Variants in ARHGAP6 observed in about 807,000 individuals in gnomAD.
ARHGAP6 encodes Rho GTPase activating protein 6.
ARHGAP6 carries 16 observed loss-of-function variants against 55.7 expected under a neutral mutation model. The ratio of observed to expected loss-of-function variants is 0.29; its 90% CI spans 0.19 to 0.44. ARHGAP6 has a LOEUF of 0.44. ARHGAP6 is among the 20% of genes least tolerant of loss of function. The pLI is 1.00. For synonymous variants in ARHGAP6, 382 were observed against 360.9 expected, an observed-to-expected ratio of 1.06 and a Z score of -0.66; for missense variants, 698 against 808.9, an observed-to-expected ratio of 0.86 and a Z score of 1.66.
intron 1 of ARHGAP6, among the ~76,000 whole-genome samples, chrX:11,572,308 A>G (rs951474298): frequency 1.8e-5 from 2 of 110,157 alleles, no homozygotes; most frequent in Non-Finnish European, 3.8e-5. Context: ...ATTTAGCATT[A>G]GGTATATCTC....
At chrX:11,601,676 A>AT (rs751445318) in intron 1 of ARHGAP6, among the ~76,000 whole-genome samples, 2 of 112,101 alleles carry the variant, frequency 1.8e-5, no homozygotes, top group Admixed American at 9.5e-5. Flanking sequence ...TTCAACAGAG[A>AT]TTTTTTTAAA....
At position 11,221,272 on chromosome X, in the gene ARHGAP6, T is replaced by C. The variant is rs373632738; in HGVS notation, c.749-24276A>G. ...TCTTTTAATTGTGAGGTTAGGGTATTGATTTTAGATCTTTCCTGCTTTCTC... is the reference window on the plus strand; with the variant it reads ...TCTTTTAATTGTGAGGTTAGGGTATCGATTTTAGATCTTTCCTGCTTTCTC... On this transcript the variant is annotated intron_variant, in intron 2 of 12. Transcript: ENST00000337414. 8.5e-4 allele frequency: 102 copies of C among 120,560 alleles called. 2 individuals carry two copies. In the South Asian group the frequency reaches 0.035, roughly 42 times the overall value. 9.9% of individuals were successfully genotyped at this position (120,560 alleles called of 1,213,427 possible). A position where few individuals can be genotyped will look rare whatever the true frequency, so the allele number is the denominator to read the frequency against.
intron 2 of ARHGAP6, among the ~76,000 whole-genome samples, chrX:11,202,150 T>G (rs1224827886): frequency 9.1e-6 from 1 of 110,289 alleles, no homozygotes; most frequent in African/African-American, 3.3e-5. Flanking sequence ...ACTGAGTTTC[T>G]GGTCACCTGG....
intron 1 of ARHGAP6, among the ~76,000 whole-genome samples, chrX:11,401,484 T>C (rs1229422887): frequency 9.0e-6 from 1 of 111,730 alleles, no homozygotes; most frequent in Non-Finnish European, 1.9e-5. Flanking sequence ...CTGTAGGATA[T>C]TTAGTAGCAT....
At chrX:11,506,678 T>G (rs2050736337) in intron 1 of ARHGAP6, among the ~76,000 whole-genome samples, 1 of 112,072 alleles carries the variant, frequency 8.9e-6, no homozygotes, top group African/African-American at 3.2e-5. Context: ...TTTGCTATTG[T>G]GAATAGTGCC....
chrX:11,228,655 T>C (rs778137243), intron 2 of ARHGAP6, among the ~76,000 whole-genome samples: 1 of 112,433 alleles, frequency 8.9e-6, no homozygotes, highest in Non-Finnish European at 1.9e-5. Flanking sequence ...AAACTCAGGA[T>C]TGATGTAAGC....
At chrX:11,646,376 GAA>G (rs746845318) in intron 1 of ARHGAP6, among the ~76,000 whole-genome samples, 21 of 111,734 alleles carry the variant, frequency 1.9e-4, no homozygotes, top group Non-Finnish European at 4.0e-4. Context: ...GGAACAGAGA[GAA>G]AAGGCTAAAT....
chrX:11,204,109 G>A (rs868118022), intron 2 of ARHGAP6, among the ~76,000 whole-genome samples: 3 of 112,270 alleles, frequency 2.7e-5, no homozygotes, highest in Middle Eastern at 4.6e-3. Flanking sequence ...TATGGCAGAA[G>A]CATCCTCTGG....
chrX:11,613,267 G>A (rs1158707889), intron 1 of ARHGAP6, among the ~76,000 whole-genome samples: 4 of 112,484 alleles, frequency 3.6e-5, no homozygotes, highest in Middle Eastern at 4.6e-3. Flanking sequence ...GCTCTGTGAG[G>A]AACAGGGCTC....
intron 1 of ARHGAP6, among the ~76,000 whole-genome samples, chrX:11,429,492 T>A (rs1398333282): frequency 8.0e-5 from 9 of 112,281 alleles, no homozygotes; most frequent in Non-Finnish European, 1.7e-4. Flanking sequence ...ACTACATGTA[T>A]TTTATACTGC....
intron 1 of ARHGAP6, among the ~76,000 whole-genome samples, chrX:11,438,598 G>A (rs1386158694): frequency 8.9e-6 from 1 of 112,601 alleles, no homozygotes; most frequent in Non-Finnish European, 1.9e-5. Flanking sequence ...CATTCTTCCT[G>A]CCAAAGGGCT....
At chrX:11,418,903 T>C (rs2049786647) in intron 1 of ARHGAP6, among the ~76,000 whole-genome samples, 1 of 111,820 alleles carries the variant, frequency 8.9e-6, no homozygotes, top group Admixed American at 9.5e-5. Flanking sequence ...TGAAAATGCT[T>C]GTAATGATAT....
chrX:11,472,853 C>A, intron 1 of ARHGAP6, among the ~76,000 whole-genome samples: 1 of 110,908 alleles, frequency 9.0e-6, no homozygotes, highest in East Asian at 2.9e-4. Flanking sequence ...AGGTGTCTGC[C>A]AAGATGGGTC....
At chrX:11,199,588 A>G (rs1376774631) in intron 2 of ARHGAP6, among the ~76,000 whole-genome samples, 2 of 112,549 alleles carry the variant, frequency 1.8e-5, no homozygotes, top group Non-Finnish European at 3.8e-5. Context: ...CAAGCTTTTC[A>G]AAATAGTTTT....
intron 1 of ARHGAP6, among the ~76,000 whole-genome samples, chrX:11,565,234 A>T (rs1452786110): frequency 2.7e-5 from 3 of 111,856 alleles, no homozygotes; most frequent in Non-Finnish European, 3.8e-5. Flanking sequence ...TTTCTCCCTG[A>T]TTCTATTGCC....
chrX:11,530,914 C>T (rs1358139874), intron 1 of ARHGAP6, among the ~76,000 whole-genome samples: 2 of 111,461 alleles, frequency 1.8e-5, no homozygotes, highest in Non-Finnish European at 3.8e-5. Flanking sequence ...TAGACTGTCA[C>T]TTTGCAGTTC....
intron 1 of ARHGAP6, among the ~76,000 whole-genome samples, chrX:11,373,503 T>C (rs1321202141): frequency 8.9e-6 from 1 of 111,825 alleles, no homozygotes; most frequent in Non-Finnish European, 1.9e-5. Flanking sequence ...ATTGCTTTTG[T>C]GGATTTGAAA....
At chrX:11,581,374 GT>G (rs2051664164) in intron 1 of ARHGAP6, among the ~76,000 whole-genome samples, 1 of 111,841 alleles carries the variant, frequency 8.9e-6, no homozygotes, top group Admixed American at 9.5e-5. Flanking sequence ...CAGTCTGACA[GT>G]TCCTCAAATG....
intron 1 of ARHGAP6, among the ~76,000 whole-genome samples, chrX:11,567,160 T>C (rs2051451587): frequency 8.9e-6 from 1 of 111,857 alleles, no homozygotes; most frequent in African/African-American, 3.3e-5. Context: ...TCTAAACATG[T>C]TAAATCATCA....
Sources: gnomAD v4.1 joint callset for allele counts (sites outside exome capture counted in the v4.1 genomes callset) on GRCh38, gnomAD v4.1.1 for gene constraint, MANE v1.5 for transcripts, NCBI Gene and HGNC (gene_info 2026-07-23, HGNC 2026-07-21) for gene names.